HDAC9: variants seen among roughly 807,000 people sequenced by gnomAD.
The protein encoded by HDAC9 is histone deacetylase 9.
A neutral mutation model predicts 139.4 loss-of-function variants in HDAC9; 41 were observed. The observed-to-expected ratio is 0.29, with a 90% CI of 0.23 to 0.38. The LOEUF is 0.38. Among genes scored for constraint, HDAC9 ranks in the 10% least tolerant of loss-of-function variants. The pLI is 1.00. For synonymous variants in HDAC9, 517 were observed against 476.2 expected, an observed-to-expected ratio of 1.09 and a Z score of -1.12; for missense variants, 1,147 against 1,297.0, an observed-to-expected ratio of 0.88 and a Z score of 1.78.
intron 1 of HDAC9, among the ~76,000 whole-genome samples, chr7:18,444,218 AGT>A (rs1248781383): frequency 6.6e-6 from 1 of 151,812 alleles, no homozygotes; most frequent in East Asian, 1.9e-4. Context: ...GTGTGTCTGT[AGT>A]CCCAGCTACT....
At chr7:18,204,339 T>G (rs1246553892) in intron 2 of HDAC9, among the ~76,000 whole-genome samples, 2 of 151,414 alleles carry the variant, frequency 1.3e-5, no homozygotes, top group Non-Finnish European at 3.0e-5. Flanking sequence ...TGCCTTTTTT[T>G]TTTTTTTTTT....
At chr7:18,757,422 A>G (rs1023717620) in intron 14 of HDAC9, among the ~76,000 whole-genome samples, 10 of 152,142 alleles carry the variant, frequency 6.6e-5, no homozygotes, top group African/African-American at 2.4e-4. Flanking sequence ...TAAGTTGGAC[A>G]TTTTCTCTTA....
chr7:18,225,918 C>A (rs940748769), intron 2 of HDAC9, among the ~76,000 whole-genome samples: 1 of 152,006 alleles, frequency 6.6e-6, no homozygotes, highest in African/African-American at 2.4e-5. Flanking sequence ...TAACTGTTTT[C>A]TGTTATGCTC....
chr7:18,381,953 T>A (rs1043021160), intron 1 of HDAC9, among the ~76,000 whole-genome samples: 1 of 152,186 alleles, frequency 6.6e-6, no homozygotes, highest in Non-Finnish European at 1.5e-5. Flanking sequence ...TGAGGTTAAA[T>A]ACAAATGTGT....
intron 24 of HDAC9, among the ~76,000 whole-genome samples, chr7:18,960,370 T>C (rs1227315528): frequency 2.0e-5 from 3 of 152,110 alleles, no homozygotes; most frequent in Admixed American, 1.3e-4. Context: ...GTCTTGCTTC[T>C]CCTCCTCTTC....
chr7:18,157,804 TG>T (rs1787319293), intron 1 of HDAC9, among the ~76,000 whole-genome samples: 2 of 109,480 alleles, frequency 1.8e-5, no homozygotes, highest in Non-Finnish European at 3.7e-5. Context: ...TTCTAAGGCA[TG>T]AGAGAGAGAG....
rs1799176979 is a variant in HDAC9 at position 18,874,566 on chromosome 7, C to T, written c.2773C>T (p.Pro925Ser). The T allele has an allele frequency of 1.9e-6, 3 of 1,592,200 alleles. No individual in the cohort carries two copies. Among genetic ancestry groups the T allele is most frequent in the East Asian group, 4.5e-5 (2 of 44,090 alleles). ...TGATGCATTGGAAGGCCACACCCCT[C>T]CTCTAGGAGGGTACAAAGTGACGGC... ...GFDALEGHTP[P>S]LGGYKVTAKC... Residue 925 changes from proline to serine, a missense_variant, in exon 22 of 26, where the codon CCT becomes TCT. Around this residue, in one of 7 missense-constraint regions of HDAC9, gnomAD observed 407 missense variants for 521.5 expected, o/e 0.78. Coordinates refer to ENST00000686413, the MANE Select transcript of HDAC9 (RefSeq NM_178425.4).
chr7:18,681,909 C>T (rs1030332346), intron 12 of HDAC9, among the ~76,000 whole-genome samples: 15 of 152,070 alleles, frequency 9.9e-5, no homozygotes, highest in African/African-American at 2.2e-4. Context: ...CTTTGTCTAA[C>T]GCTAATAGAA....
intron 17 of HDAC9, among the ~76,000 whole-genome samples, chr7:18,813,299 G>A (rs537936359): frequency 6.6e-6 from 1 of 152,180 alleles, no homozygotes; most frequent in Non-Finnish European, 1.5e-5. Flanking sequence ...TTCTTTGTTT[G>A]TGAAGTTATT....
intron 22 of HDAC9, among the ~76,000 whole-genome samples, chr7:18,904,898 G>A (rs1802082602): frequency 6.7e-6 from 1 of 149,576 alleles, no homozygotes; most frequent in Non-Finnish European, 1.5e-5. Flanking sequence ...TTTTTAACTA[G>A]TTTGTTTTGT....
At chr7:18,706,957 C>T (rs1047714043) in intron 12 of HDAC9, among the ~76,000 whole-genome samples, 3 of 152,016 alleles carry the variant, frequency 2.0e-5, no homozygotes, top group Non-Finnish European at 4.4e-5. Flanking sequence ...GCTCCCCAGA[C>T]GAGGTTATGG....
chr7:18,504,257 A>C (rs553426184), intron 2 of HDAC9, among the ~76,000 whole-genome samples: 3 of 152,242 alleles, frequency 2.0e-5, no homozygotes, highest in African/African-American at 2.4e-5. Context: ...TTTTTCTGTC[A>C]TACTCCTCTC....
chr7:18,397,446 G>T (rs1787164054), intron 1 of HDAC9, among the ~76,000 whole-genome samples: 1 of 151,976 alleles, frequency 6.6e-6, no homozygotes, highest in African/African-American at 2.4e-5. Context: ...ATCAGCATAG[G>T]GATTATTCCC....
chr7:18,385,803 C>T (rs969313084), intron 1 of HDAC9, among the ~76,000 whole-genome samples: 1 of 151,990 alleles, frequency 6.6e-6, no homozygotes, highest in South Asian at 2.1e-4. Flanking sequence ...TCATTACAGG[C>T]ATTCTCTAAG....
chr7:18,661,616 G>C (rs1013140936), intron 11 of HDAC9, among the ~76,000 whole-genome samples: 1 of 151,848 alleles, frequency 6.6e-6, no homozygotes, highest in East Asian at 1.9e-4. Flanking sequence ...AAAAAATAAG[G>C]TTTTTAAGAA....
intron 1 of HDAC9, among the ~76,000 whole-genome samples, chr7:18,486,456 C>G (rs111862594): frequency 0.013 from 2,041 of 152,176 alleles, 45 homozygotes; most frequent in African/African-American, 0.046. Context: ...AACTCGATGA[C>G]AATGTAAGGT....
At chr7:18,749,425 T>C (rs1788257950) in intron 14 of HDAC9, among the ~76,000 whole-genome samples, 1 of 152,206 alleles carries the variant, frequency 6.6e-6, no homozygotes, top group Non-Finnish European at 1.5e-5. Context: ...CAGACATTAT[T>C]TATTGAGTTG....
chr7:18,277,925 G>A (rs999037733), intron 2 of HDAC9, among the ~76,000 whole-genome samples: 1 of 152,120 alleles, frequency 6.6e-6, no homozygotes, highest in Non-Finnish European at 1.5e-5. Flanking sequence ...AAAAAAACTT[G>A]TTATCGTTTA....
chr7:18,633,886 A>G (rs998795221), intron 7 of HDAC9, among the ~76,000 whole-genome samples: 1 of 152,138 alleles, frequency 6.6e-6, no homozygotes, highest in Non-Finnish European at 1.5e-5. Context: ...TGTGAATTTC[A>G]TATCTGAAGA....
Sources: allele counts gnomAD v4.1 joint callset (sites outside exome capture counted in the v4.1 genomes callset), GRCh38; gene constraint gnomAD v4.1.1; regional missense constraint gnomAD v4.1.1; transcripts MANE v1.5; gene names NCBI Gene and HGNC (gene_info 2026-07-23, HGNC 2026-07-21).